Variants in MICU2 observed in about 807,000 individuals in gnomAD.
MICU2 encodes the protein mitochondrial calcium uptake 2.
In MICU2, 64 loss-of-function variants were observed where a neutral mutation model predicts 60.4. The observed-to-expected ratio is 1.06, with a 90% CI of 0.87 to 1.31. The LOEUF (loss-of-function observed/expected upper bound fraction) is 1.31, where lower values mean the gene tolerates loss of function less well. Ranked by LOEUF, MICU2 falls within the 50% of genes most tolerant of loss-of-function variation. MICU2 has a pLI of 0.00. For missense variants in MICU2, 569 were observed against 531.0 expected (o/e 1.07, Z -0.70); for synonymous variants, 201 against 175.0 (o/e 1.15, Z -1.17).
chr13:21,503,257 G>A (rs1437101512), intron 8 of MICU2, among the ~76,000 whole-genome samples, 160 bp from the exon 9 acceptor site: 1 of 152,168 alleles, frequency 6.6e-6, no homozygotes, highest in Non-Finnish European at 1.5e-5. Flanking sequence ...TGTGGGGAGA[G>A]GAAGGATGCA....
At chr13:21,530,878 T>C in intron 4 of MICU2, 1 of 757,900 alleles carries the variant, frequency 1.3e-6, no homozygotes, top group South Asian at 1.4e-5. Flanking sequence ...CTACGTCCTG[T>C]ACAGCGACAG....
At chr13:21,517,791 A>ACGCG (rs1318389251) in intron 6 of MICU2, among the ~76,000 whole-genome samples, 61 of 98,028 alleles carry the variant, frequency 6.2e-4, no homozygotes, top group African/African-American at 2.0e-3. Context: ...ACACACACAC[A>ACGCG]CACACACACG....
intron 9 of MICU2, 64 bp from the exon 10 acceptor site, chr13:21,496,224 C>A: frequency 8.1e-7 from 1 of 1,235,512 alleles, no homozygotes; most frequent in Non-Finnish European, 1.2e-6. Context: ...TAAATGTTAA[C>A]TATGAACTTT....
intron 6 of MICU2, among the ~76,000 whole-genome samples, chr13:21,519,074 T>C (rs922898697): frequency 6.6e-6 from 1 of 152,144 alleles, no homozygotes; most frequent in Non-Finnish European, 1.5e-5. Context: ...TCTTTTTCAT[T>C]ATTTTTATTA....
chr13:21,540,256 C>T (rs1887248921), intron 2 of MICU2, among the ~76,000 whole-genome samples: 1 of 152,104 alleles, frequency 6.6e-6, no homozygotes, highest in Admixed American at 6.6e-5. Context: ...TTACTGCCTA[C>T]ATCATTTTCC....
At chr13:21,601,325 AC>A (rs1332257422) in intron 1 of MICU2, among the ~76,000 whole-genome samples, 1 of 152,172 alleles carries the variant, frequency 6.6e-6, no homozygotes, top group Non-Finnish European at 1.5e-5. Flanking sequence ...AAAGTTTTCA[AC>A]CTATAGGTCC....
Position 21,514,677 on chromosome 13 carries a change from C to T in MICU2, c.598-259G>A, listed in dbSNP as rs1017341564. On this transcript the variant is annotated intron_variant, in intron 6 of 11. Transcript: ENST00000382374. The stretch of plus-strand genomic sequence containing the variant: ...CCTCCCAAGTAGCTGGGACTACAGG[C>T]GCCCGCCACCACTCCCGTTAATTTT... 7.3e-5 allele frequency among the ~76,000 whole-genome samples: 11 copies of T among 151,126 alleles called. 1 individual carries two copies. The highest frequency in any genetic ancestry group is 1.3e-4 in the Non-Finnish European group (9 of 67,850).
chr13:21,603,805 G>A (rs1036155887), intron 1 of MICU2, 134 bp downstream of exon 1: 3 of 993,282 alleles, frequency 3.0e-6, no homozygotes, highest in Non-Finnish European at 2.9e-6. Flanking sequence ...ACCAGTCGCA[G>A]GGCGCTCCGA....
At chr13:21,549,726 C>T (rs751932947) in intron 2 of MICU2, among the ~76,000 whole-genome samples, 3 of 152,174 alleles carry the variant, frequency 2.0e-5, no homozygotes, top group African/African-American at 4.8e-5. Context: ...TCTCTCTAAA[C>T]GCCTTATTTC....
Position 21,512,134 on chromosome 13 carries a change from G to A in MICU2, c.664-2033C>T, listed in dbSNP as rs553466084. Among the ~76,000 whole-genome samples the A allele has an allele frequency of 2.0e-5, 3 of 152,286 alleles. No individual in the cohort carries two copies. In the South Asian group the frequency reaches 6.2e-4, roughly 32 times the overall value. ...ATCCTTGCCACCATCTGGTGTGTCA[G>A]TGGTTTGTTTTTAGTCATTTGGGTG... On this transcript the variant is annotated intron_variant, in intron 7 of 11. Transcript: ENST00000382374.
intron 4 of MICU2, among the ~76,000 whole-genome samples, chr13:21,533,168 A>G (rs1887044892): frequency 6.6e-6 from 1 of 152,150 alleles, no homozygotes; most frequent in Non-Finnish European, 1.5e-5. Context: ...TTCTTTCTTT[A>G]GGTAAAGAAA....
At chr13:21,515,085 G>T (rs1886534635) in intron 6 of MICU2, among the ~76,000 whole-genome samples, 4 of 139,290 alleles carry the variant, frequency 2.9e-5, no homozygotes, top group Non-Finnish European at 4.7e-5. Flanking sequence ...CAAGTATATA[G>T]TTTTTTTTTT....
At chr13:21,573,117 T>C (rs145357124) in intron 1 of MICU2, among the ~76,000 whole-genome samples, 79 of 152,346 alleles carry the variant, frequency 5.2e-4, no homozygotes, top group African/African-American at 1.9e-3. Flanking sequence ...ACCAGGGCTA[T>C]ATCTACATAA....
intron 2 of MICU2, among the ~76,000 whole-genome samples, chr13:21,546,458 T>A (rs557690774): frequency 3.3e-5 from 5 of 152,262 alleles, no homozygotes; most frequent in Non-Finnish European, 5.9e-5. Context: ...TCTCCAAATA[T>A]GAGCTGCTTA....
chr13:21,598,307 A>T (rs1888739333), intron 1 of MICU2, among the ~76,000 whole-genome samples: 1 of 152,214 alleles, frequency 6.6e-6, no homozygotes, highest in Non-Finnish European at 1.5e-5. Flanking sequence ...GTGAACAATA[A>T]CAAATAAAAT....
At chr13:21,535,201 C>T (rs1233831539) in intron 4 of MICU2, among the ~76,000 whole-genome samples, 1 of 151,808 alleles carries the variant, frequency 6.6e-6, no homozygotes, top group Non-Finnish European at 1.5e-5. Flanking sequence ...AATAGAATTT[C>T]TAAAATCACA....
intron 4 of MICU2, among the ~76,000 whole-genome samples, chr13:21,537,407 C>G (rs1887156424): frequency 6.6e-6 from 1 of 152,028 alleles, no homozygotes; most frequent in Non-Finnish European, 1.5e-5. Context: ...ATCCCAGAAG[C>G]TACTTCAAAC....
chr13:21,526,860 A>G (rs529508814), intron 4 of MICU2, among the ~76,000 whole-genome samples: 2 of 152,272 alleles, frequency 1.3e-5, no homozygotes, highest in East Asian at 3.9e-4. Flanking sequence ...AAAGAGCTGC[A>G]GAGGGTGATG....
At chr13:21,549,822 T>A (rs1299167888) in intron 2 of MICU2, among the ~76,000 whole-genome samples, 2 of 152,200 alleles carry the variant, frequency 1.3e-5, no homozygotes, top group Non-Finnish European at 2.9e-5. Context: ...TTTAACTTTA[T>A]AATAATTAAT....
Sources: gnomAD v4.1 joint callset for allele counts (sites outside exome capture counted in the v4.1 genomes callset) on GRCh38, gnomAD v4.1.1 for gene constraint, MANE v1.5 for transcripts, NCBI Gene and HGNC (gene_info 2026-07-23, HGNC 2026-07-21) for gene names.